Variants in EPHB2 observed in about 807,000 individuals in gnomAD.
EPHB2 encodes the protein EPH receptor B2, also known as ephrin type-B receptor 2.
In EPHB2, 18 loss-of-function variants were observed where a neutral mutation model predicts 96.4. The ratio of observed to expected loss-of-function variants is 0.19; its 90% confidence interval spans 0.13 to 0.28. The LOEUF is 0.28. Ranked by LOEUF, EPHB2 falls within the 10% of genes least tolerant of loss-of-function variation. The probability of loss-of-function intolerance (pLI) is 1.00; values close to 1 mark genes in which losing one functional copy is unlikely to be tolerated. For synonymous variants in EPHB2, 506 were observed against 534.1 expected, an observed-to-expected ratio of 0.95 and a Z score of 0.72; for missense variants, 989 against 1,355.4, an observed-to-expected ratio of 0.73 and a Z score of 4.25.
chr1:22,822,277 G>A (rs1645162399), intron 3 of EPHB2, among the ~76,000 whole-genome samples: 1 of 152,062 alleles, frequency 6.6e-6, no homozygotes, highest in Admixed American at 6.5e-5. Flanking sequence ...GAGGCCAGGA[G>A]TTTGAGACCA....
chr1:22,752,221 G>A (rs1482162870), intron 1 of EPHB2, among the ~76,000 whole-genome samples: 1 of 152,266 alleles, frequency 6.6e-6, no homozygotes, highest in Admixed American at 6.5e-5. Flanking sequence ...AAATTACTAG[G>A]TGGGGTGGGC....
chr1:22,763,293 G>A (rs909492578), intron 1 of EPHB2, among the ~76,000 whole-genome samples: 3 of 152,262 alleles, frequency 2.0e-5, no homozygotes, highest in Non-Finnish European at 2.9e-5. Flanking sequence ...TTGGGAAGAC[G>A]AGTCCTGGGC....
rs1638821049 is a variant in EPHB2, at chr1:22,875,866, A to G, written c.1304-6493A>G. 6.6e-6 allele frequency among the ~76,000 whole-genome samples: 1 copy of G among 152,006 alleles called. No homozygotes were observed. The highest frequency in any genetic ancestry group is 2.1e-4 in the South Asian group (1 of 4,808). On this transcript the variant is annotated intron_variant, in intron 5 of 15. Coordinates refer to ENST00000374630, the MANE Select transcript of EPHB2 (RefSeq NM_017449.5). This position sits in a 1 kb window ranked among gnomAD's most constrained non-coding sequence, Gnocchi z 4.2. ...GGCATCTCGGAGGAGTTGACATTTG[A>G]GCTGAGACTTCAATGAAGAGGAGGA...
intron 2 of EPHB2, among the ~76,000 whole-genome samples, chr1:22,783,875 C>T (rs1329417617): frequency 6.6e-6 from 1 of 152,074 alleles, no homozygotes; most frequent in Non-Finnish European, 1.5e-5. Flanking sequence ...GGGGAAGGAC[C>T]CTGTCTTCCC....
chr1:22,891,386 C>T (rs1639382848), intron 6 of EPHB2: 2 of 345,796 alleles, frequency 5.8e-6, no homozygotes, highest in Admixed American at 7.5e-5. Context: ...CACAGATTTT[C>T]GTCAGAAAAA....
intron 1 of EPHB2, among the ~76,000 whole-genome samples, chr1:22,749,647 A>G (rs1030988085): frequency 9.2e-5 from 14 of 152,010 alleles, no homozygotes; most frequent in Non-Finnish European, 1.8e-4. Context: ...AGGTGAAGGT[A>G]TTGGGCCCAG....
chr1:22,805,070 C>CA (rs1416429046), intron 3 of EPHB2, among the ~76,000 whole-genome samples: 5 of 150,968 alleles, frequency 3.3e-5, no homozygotes, highest in Non-Finnish European at 5.9e-5. Context: ...GCACAGGTAC[C>CA]TACATACCAG....
At chr1:22,893,346 A>G (rs2148567461) in intron 7 of EPHB2, among the ~76,000 whole-genome samples, 1 of 152,334 alleles carries the variant, frequency 6.6e-6, no homozygotes, top group African/African-American at 2.4e-5. Context: ...TTTCTCATCT[A>G]TAAAATGAAA....
At chr1:22,859,045 G>C (rs999384053) in intron 3 of EPHB2, among the ~76,000 whole-genome samples, 1 of 152,150 alleles carries the variant, frequency 6.6e-6, no homozygotes, top group Non-Finnish European at 1.5e-5. Flanking sequence ...GGCGGAGGCA[G>C]GAGAATCACT....
chr1:22,829,833 G>C lies in EPHB2; in HGVS notation c.812-33204G>C, dbSNP rs151262707. 6.3e-3 allele frequency among the ~76,000 whole-genome samples: 961 copies of C among 152,264 alleles called. 11 individuals are homozygous for C. The highest frequency in any genetic ancestry group is 0.021 in the African/African-American group (859 of 41,556). ...GATGGCAGGGGCATTCCAGGCAGAG[G>C]AAGTGACAGGACAAAAGGCCCAGGA... On this transcript the variant is annotated intron_variant, in intron 3 of 15. Coordinates refer to ENST00000374630, the MANE Select transcript of EPHB2 (RefSeq NM_017449.5).
chr1:22,906,579 C>G lies in EPHB2; in HGVS notation c.1889-131C>G. 6 of 1,414,344 alleles carry G rather than the reference C, an allele frequency of 4.2e-6. No homozygotes were observed. Among genetic ancestry groups the G allele is most frequent in the Admixed American group, 2.0e-5 (1 of 50,746 alleles). The allele number at this position is 1,414,344 out of a possible 1,614,324, so 87.6% of individuals were successfully genotyped here. A position where few individuals can be genotyped will look rare whatever the true frequency, so the allele number is the denominator to read the frequency against. On this transcript the variant is annotated intron_variant, in intron 10 of 15. Transcript: ENST00000374630. The surrounding 1 kb of genome is among the most constrained non-coding windows in gnomAD (Gnocchi z 4.8). The stretch of plus-strand genomic sequence containing the variant: ...TGACATTCTTGAAGGGGTTCTGTGT[C>G]TGCAAGGATGAGTGGGCCATTGAGA...
intron 3 of EPHB2, among the ~76,000 whole-genome samples, chr1:22,795,878 C>T (rs1223526325): frequency 6.6e-6 from 1 of 152,144 alleles, no homozygotes; most frequent in Non-Finnish European, 1.5e-5. Flanking sequence ...GGGAGGTTTT[C>T]CGGGACCTGT....
At chr1:22,758,079 C>T (rs1041986896) in intron 1 of EPHB2, among the ~76,000 whole-genome samples, 7 of 144,164 alleles carry the variant, frequency 4.9e-5, no homozygotes, top group Admixed American at 1.4e-4. Flanking sequence ...CTACCACACC[C>T]GGCTAATTTT....
At chr1:22,888,433 G>A (rs547016805) in intron 6 of EPHB2, among the ~76,000 whole-genome samples, 8 of 152,264 alleles carry the variant, frequency 5.3e-5, no homozygotes, top group Admixed American at 5.2e-4. Flanking sequence ...AGCTTTACCT[G>A]TATTTTCCTT....
At chr1:22,864,587 TAAGG>T (rs1391643022) in intron 4 of EPHB2, among the ~76,000 whole-genome samples, 1 of 152,204 alleles carries the variant, frequency 6.6e-6, no homozygotes, top group Non-Finnish European at 1.5e-5. Context: ...TGGGCTGTTC[TAAGG>T]AAGAAGGAGA....
chr1:22,718,412 T>C (rs921285420), intron 1 of EPHB2, among the ~76,000 whole-genome samples: 1 of 127,008 alleles, frequency 7.9e-6, no homozygotes, highest in Non-Finnish European at 1.6e-5. Flanking sequence ...TGAGACAGAG[T>C]ATTGCTCTTG....
Position 22,910,431 on chromosome 1 carries a change from G to T in EPHB2, c.2552G>T (p.Cys851Phe). The T allele has an allele frequency of 6.2e-7, 1 of 1,614,230 alleles. No homozygotes were observed. The change falls in exon 14 of 16, where the codon TGC (cysteine) becomes TTC (phenylalanine). Residue 851 changes from cysteine (C) to phenylalanine (F), a missense_variant. Coordinates refer to ENST00000374630, the MANE Select transcript of EPHB2 (RefSeq NM_017449.5). ...QDYRLPPPMD[C>F]PSALHQLMLD... ...TATCGGCTGCCACCGCCCATGGACT[G>T]CCCGAGCGCCCTGCACCAACTCATG...
intron 3 of EPHB2, among the ~76,000 whole-genome samples, chr1:22,820,108 G>A (rs559998879): frequency 2.0e-4 from 31 of 152,204 alleles, no homozygotes; most frequent in Admixed American, 9.8e-4. Flanking sequence ...ACCATCCCCA[G>A]GAAAAGGGGA....
intron 1 of EPHB2, among the ~76,000 whole-genome samples, chr1:22,781,015 ATGAGGGCCCGGCCG>A (rs1644522146): frequency 1.3e-5 from 2 of 151,956 alleles, no homozygotes; most frequent in Admixed American, 1.3e-4. Context: ...GTAAAGAAGG[ATGAGGGCCCGGCCG>A]TGAGGGTCTG....
Sources: gnomAD v4.1 joint callset for allele counts (sites outside exome capture counted in the v4.1 genomes callset) on GRCh38, gnomAD v4.1.1 for gene constraint, Gnocchi (gnomAD v3.1) non-coding constraint, MANE v1.5 for transcripts, NCBI Gene and HGNC (gene_info 2026-07-23, HGNC 2026-07-21) for gene names.